Variants in CCDC178 observed in about 807,000 individuals in gnomAD.
CCDC178 encodes coiled-coil domain containing 178.
In CCDC178, 126 loss-of-function variants were observed where a neutral mutation model predicts 117.4. That is an observed-to-expected ratio of 1.07 (90% CI 0.93 to 1.24). The LOEUF (loss-of-function observed/expected upper bound fraction) is 1.24. Ranked by LOEUF, CCDC178 falls within the 50% of genes most tolerant of loss-of-function variation. CCDC178 has a pLI of 0.00. For missense variants in CCDC178, 1,030 were observed against 986.9 expected, an observed-to-expected ratio of 1.04 and a Z score of -0.59; for synonymous variants, 283 against 313.4, an observed-to-expected ratio of 0.90 and a Z score of 1.02.
intron 22 of CCDC178, chr18:32,958,086 T>TCTC: frequency 2.7e-6 from 1 of 370,504 alleles, no homozygotes; most frequent in Non-Finnish European, 5.0e-6. Flanking sequence ...TGTTGGCAAA[T>TCTC]GATGGGCTAA....
intron 21 of CCDC178, among the ~76,000 whole-genome samples, chr18:33,027,384 T>TA (rs1358394129): frequency 6.6e-6 from 1 of 151,640 alleles, no homozygotes; most frequent in African/African-American, 2.4e-5. Context: ...TAACAGTAGT[T>TA]ACAATAAATG....
At chr18:33,370,245 A>G in intron 5 of CCDC178, 56 bp from the exon 6 acceptor site, 1 of 1,359,160 alleles carries the variant, frequency 7.4e-7, no homozygotes, top group Admixed American at 3.1e-5. Context: ...GTAAATTTTG[A>G]TGTTCAGAAT....
intron 12 of CCDC178, among the ~76,000 whole-genome samples, chr18:33,287,714 G>T (rs558869937): frequency 3.9e-5 from 6 of 152,248 alleles, no homozygotes; most frequent in African/African-American, 1.4e-4. Context: ...AGGCGGCAGA[G>T]GTTGCAGTGA....
chr18:33,134,489 T>A (rs1025135695), intron 20 of CCDC178, among the ~76,000 whole-genome samples: 2 of 152,060 alleles, frequency 1.3e-5, no homozygotes, highest in Admixed American at 1.3e-4. Context: ...TGAGAAAAAT[T>A]AATAGTAGCT....
At chr18:33,301,073 G>A (rs960937123) in intron 11 of CCDC178, among the ~76,000 whole-genome samples, 4 of 152,194 alleles carry the variant, frequency 2.6e-5, no homozygotes, top group African/African-American at 9.7e-5. Flanking sequence ...GGGCAGGCCT[G>A]GGATGCTGCT....
chr18:33,280,472 G>C (rs1197866532), intron 12 of CCDC178, among the ~76,000 whole-genome samples: 1 of 151,544 alleles, frequency 6.6e-6, no homozygotes, highest in African/African-American at 2.4e-5. Context: ...GGAGAGGATG[G>C]GGAGAAATAG....
intron 7 of CCDC178, among the ~76,000 whole-genome samples, chr18:33,353,526 T>C (rs749074085): frequency 9.2e-5 from 14 of 152,118 alleles, no homozygotes; most frequent in Non-Finnish European, 1.9e-4. Context: ...ATATATTGTT[T>C]AGTTTCCCTC....
intron 9 of CCDC178, among the ~76,000 whole-genome samples, chr18:33,342,028 T>C (rs2062823775): frequency 6.6e-6 from 1 of 152,114 alleles, no homozygotes; most frequent in South Asian, 2.1e-4. Context: ...AAAATTCAGC[T>C]AAGAAATGAG....
At chr18:33,337,027 T>C (rs573930419) in intron 9 of CCDC178, among the ~76,000 whole-genome samples, 9 of 152,086 alleles carry the variant, frequency 5.9e-5, no homozygotes, top group Non-Finnish European at 1.0e-4. Flanking sequence ...TATCCATCCA[T>C]GAGCATGGGA....
chr18:33,000,408 G>C lies in CCDC178; in HGVS notation c.2389-25727C>G, dbSNP rs141490104. 3.3e-5 allele frequency among the ~76,000 whole-genome samples: 5 copies of C among 152,186 alleles called. No homozygotes were observed. The East Asian group carries it at 9.7e-4, about 29-fold the overall frequency. ...AAAGAGGAGGTAGAGAAAGAGATGG[G>C]GTAGAAAGTGGATTTAAAGGGATAA... On this transcript the variant is annotated intron_variant, in intron 21 of 22. Coordinates refer to ENST00000383096, the MANE Select transcript of CCDC178 (RefSeq NM_001105528.4).
chr18:33,292,234 T>C (rs1260760082), intron 12 of CCDC178, among the ~76,000 whole-genome samples: 1 of 152,178 alleles, frequency 6.6e-6, no homozygotes, highest in Non-Finnish European at 1.5e-5. Context: ...TGGAATACTA[T>C]TCAGCAATAA....
chr18:33,421,242 A>T (rs1047572903), intron 2 of CCDC178, among the ~76,000 whole-genome samples: 1 of 152,230 alleles, frequency 6.6e-6, no homozygotes, highest in Non-Finnish European at 1.5e-5. Flanking sequence ...CAGTTCTAGT[A>T]CAAAAGTATA....
chr18:33,356,208 T>A, intron 7 of CCDC178, 116 bp downstream of exon 7: 1 of 1,067,938 alleles, frequency 9.4e-7, no homozygotes, highest in Non-Finnish European at 1.3e-6. Flanking sequence ...ATATCTATTG[T>A]GAAAAATCTT....
intron 11 of CCDC178, among the ~76,000 whole-genome samples, chr18:33,298,692 T>C (rs986971168): frequency 2.6e-5 from 4 of 152,180 alleles, no homozygotes; most frequent in Non-Finnish European, 4.4e-5. Flanking sequence ...GGAAGTCTAA[T>C]TGTCCGTCTT....
intron 3 of CCDC178, among the ~76,000 whole-genome samples, chr18:33,407,641 T>C (rs1443112008): frequency 6.6e-6 from 1 of 152,030 alleles, no homozygotes; most frequent in Non-Finnish European, 1.5e-5. Context: ...AAGTAAAGAC[T>C]ATTATTAACA....
At chr18:33,357,183 C>T (rs1445844339) in intron 6 of CCDC178, among the ~76,000 whole-genome samples, 1 of 152,082 alleles carries the variant, frequency 6.6e-6, no homozygotes, top group Non-Finnish European at 1.5e-5. Flanking sequence ...CCTGTAACTT[C>T]TGCCCCCCTA....
chr18:33,305,270 G>C (rs964055572), intron 11 of CCDC178, among the ~76,000 whole-genome samples: 1 of 152,148 alleles, frequency 6.6e-6, no homozygotes, highest in Non-Finnish European at 1.5e-5. Context: ...TGAGTGCCAG[G>C]GATCAGCTTT....
intron 21 of CCDC178, among the ~76,000 whole-genome samples, chr18:33,065,125 G>A (rs2056989479): frequency 6.6e-6 from 1 of 151,652 alleles, no homozygotes; most frequent in Non-Finnish European, 1.5e-5. Context: ...GAAGGGGAGA[G>A]GTTGGTCAAT....
intron 11 of CCDC178, among the ~76,000 whole-genome samples, chr18:33,313,986 G>A (rs1162694090): frequency 1.3e-5 from 2 of 151,476 alleles, no homozygotes; most frequent in Non-Finnish European, 2.9e-5. Flanking sequence ...GGATCACGAG[G>A]TCAGGAGATC....
Sources: allele counts gnomAD v4.1 joint callset (sites outside exome capture counted in the v4.1 genomes callset), GRCh38; gene constraint gnomAD v4.1.1; transcripts MANE v1.5; gene names NCBI Gene and HGNC (gene_info 2026-07-23, HGNC 2026-07-21).